Variants in IARS1 observed in about 807,000 individuals in gnomAD.
IARS1 encodes isoleucine--tRNA ligase, cytoplasmic.
Under a neutral mutation model 168.2 loss-of-function variants are expected in IARS1, and 124 were observed. That is an observed-to-expected ratio of 0.74 (90% CI 0.64 to 0.86). The LOEUF (loss-of-function observed/expected upper bound fraction) is 0.86, where lower values mean the gene tolerates loss of function less well. Ranked by LOEUF, IARS1 falls within the 40% of genes least tolerant of loss-of-function variation. IARS1 has a pLI of 0.00. For synonymous variants in IARS1, 532 were observed against 529.4 expected (o/e 1.00, Z -0.07); for missense variants, 1,452 against 1,515.8 (o/e 0.96, Z 0.70).
intron 33 of IARS1, among the ~76,000 whole-genome samples, chr9:92,214,450 T>C (rs1278465202): frequency 1.3e-5 from 2 of 152,130 alleles, no homozygotes; most frequent in Non-Finnish European, 2.9e-5. Context: ...AGCTCCGGTC[T>C]ACAACTCCCA....
chr9:92,256,748 T>A lies in IARS1; in HGVS notation c.2069A>T (p.Asn690Ile). ...GGACAGGATCCACCGGTCTGTAATGTTGGGGCTTTCTCTAACCGTGTTCTC... is the reference window on the plus strand; with the variant it reads ...GGACAGGATCCACCGGTCTGTAATGATGGGGCTTTCTCTAACCGTGTTCTC... ...YNENTVRESP[N>I]ITDRWILSFM... The change falls in exon 20 of 34, where the codon AAC (asparagine) becomes ATC (isoleucine). Residue 690 changes from asparagine (N) to isoleucine (I), a missense_variant. Asn to Ile is a moderately radical substitution (Grantham distance 149). Coordinates refer to ENST00000443024, the MANE Select transcript of IARS1 (RefSeq NM_002161.6). The A allele has an allele frequency of 1.2e-6, 2 of 1,613,908 alleles. No homozygotes were observed. Among genetic ancestry groups the A allele is most frequent in the Non-Finnish European group, 1.7e-6 (2 of 1,179,812 alleles).
At position 92,242,136 on chromosome 9, in the gene IARS1, G is replaced by T; in HGVS notation, c.3177+18C>A. On this transcript the variant is annotated intron_variant, in intron 29 of 33. Coordinates refer to ENST00000443024, the MANE Select transcript of IARS1 (RefSeq NM_002161.6). ...TCTGAAACCCTTTAGTAGTAGTTCA[G>T]TGGAACTCAGGACTCACCTGTGTTT... 6.3e-7 allele frequency: 1 copy of T among 1,597,936 alleles called. No homozygotes were observed. Among genetic ancestry groups the T allele is most frequent in the East Asian group, 2.2e-5 (1 of 44,822 alleles).
chr9:92,290,344 G>A (rs140659574), intron 1 of IARS1, among the ~76,000 whole-genome samples: 12 of 152,232 alleles, frequency 7.9e-5, no homozygotes, highest in Non-Finnish European at 1.2e-4. Flanking sequence ...GGCCATTTGC[G>A]TATCCACGTT....
chr9:92,277,988 A>C (rs1834002816), intron 8 of IARS1, 65 bp from the exon 9 acceptor site: 12 of 1,428,306 alleles, frequency 8.4e-6, no homozygotes, highest in Middle Eastern at 1.8e-4. Flanking sequence ...CAGCCACATC[A>C]AGCTACCACT....
At chr9:92,220,573 C>T (rs867866441) in intron 33 of IARS1, among the ~76,000 whole-genome samples, 5 of 151,948 alleles carry the variant, frequency 3.3e-5, no homozygotes, top group African/African-American at 1.2e-4. Flanking sequence ...GCTGGGATAT[C>T]GTGCCACTGC....
intron 19 of IARS1, among the ~76,000 whole-genome samples, chr9:92,257,985 T>C (rs940543362): frequency 1.3e-5 from 2 of 152,116 alleles, no homozygotes; most frequent in African/African-American, 2.4e-5. Context: ...AGAAAGTAAC[T>C]CCTGGGCGTG....
chr9:92,265,593 C>T (rs757134902), intron 14 of IARS1, 40 bp from the exon 15 acceptor site: 13 of 1,422,840 alleles, frequency 9.1e-6, no homozygotes, highest in Non-Finnish European at 1.3e-5. Context: ...CTCCTTAGAG[C>T]CAAACAGAGC....
intron 30 of IARS1, among the ~76,000 whole-genome samples, chr9:92,231,589 TTG>T (rs1270247068): frequency 4.2e-5 from 6 of 144,484 alleles, no homozygotes; most frequent in Non-Finnish European, 7.6e-5. Context: ...AATTTTGTAT[TTG>T]TTTTTTTTTT....
chr9:92,236,672 A>T (rs573913545), intron 30 of IARS1, among the ~76,000 whole-genome samples: 2 of 152,110 alleles, frequency 1.3e-5, no homozygotes, highest in Admixed American at 1.3e-4. Flanking sequence ...ACAGGGTGAA[A>T]CCCCGTCTCT....
intron 30 of IARS1, among the ~76,000 whole-genome samples, chr9:92,230,330 C>T: frequency 6.6e-6 from 1 of 152,082 alleles, no homozygotes; most frequent in East Asian, 1.9e-4. Flanking sequence ...CCAGGCTGGT[C>T]TCAAACTCCT....
intron 16 of IARS1, among the ~76,000 whole-genome samples, chr9:92,263,486 T>C (rs751682787): frequency 2.6e-5 from 4 of 152,264 alleles, no homozygotes; most frequent in Non-Finnish European, 5.9e-5. Flanking sequence ...AAAATGCTTT[T>C]ATTCTGTAAA....
chr9:92,242,685 C>T (rs1828611853), intron 28 of IARS1: 4 of 232,010 alleles, frequency 1.7e-5, no homozygotes, highest in Admixed American at 5.1e-5. Flanking sequence ...GACCTTGAAC[C>T]GTCTGGGAAG....
chr9:92,289,311 G>T lies in IARS1; in HGVS notation c.109C>A (p.His37Asn). 1.4e-6 allele frequency: 2 copies of T among 1,427,720 alleles called. No individual in the cohort carries two copies. Among genetic ancestry groups the T allele is most frequent in the Non-Finnish European group, 2.0e-6 (2 of 1,023,924 alleles). 88.4% of individuals were successfully genotyped at this position (1,427,720 alleles called of 1,614,324 possible). ...CFQECLKQSK[H>N]KPKFTFYDGP... ...AAAAAATTCACATACTTTGGTTTAT[G>T]TTTTGATTGCTTTAAGCATTCCTGA... Residue 37 changes from histidine (H) to asparagine (N), a missense_variant, in exon 2 of 34, where the codon CAT (histidine) becomes AAT (asparagine). His to Asn is a moderately conservative substitution (Grantham distance 68). Transcript: ENST00000443024.
At chr9:92,284,245 T>C (rs1181240551) in intron 6 of IARS1, among the ~76,000 whole-genome samples, 1 of 152,190 alleles carries the variant, frequency 6.6e-6, no homozygotes, top group Non-Finnish European at 1.5e-5. Context: ...AATGCTAACA[T>C]GGCAATGTTT....
At chr9:92,237,583 T>C (rs1466842969) in intron 30 of IARS1, among the ~76,000 whole-genome samples, 1 of 152,220 alleles carries the variant, frequency 6.6e-6, no homozygotes, top group African/African-American at 2.4e-5. Flanking sequence ...TGTAGATTTG[T>C]CTATTTCTCC....
rs1829908132 is a variant in IARS1 at position 92,250,789 on chromosome 9, T to G, written c.2353A>C (p.Lys785Gln). ...ACAGAAACAGGGTCAATCAGCACCTTTAGATTCTGGTACATCAATTCAGTG... is the reference window on the plus strand; with the variant it reads ...ACAGAAACAGGGTCAATCAGCACCTGTAGATTCTGGTACATCAATTCAGTG... Reference protein sequence around the residue: ...FLTELMYQNLKVLIDPVSVQD... With the variant: ...FLTELMYQNLQVLIDPVSVQD... Residue 785 changes from lysine (K) to glutamine (Q), a missense_variant, in exon 23 of 34, where the codon AAG (lysine) becomes CAG (glutamine). Transcript: ENST00000443024. 6.2e-7 allele frequency: 1 copy of G among 1,613,392 alleles called. No homozygotes were observed. The highest frequency in any genetic ancestry group is 1.1e-5 in the South Asian group (1 of 90,976).
chr9:92,228,325 C>A (rs1043471340), intron 31 of IARS1, among the ~76,000 whole-genome samples: 1 of 151,910 alleles, frequency 6.6e-6, no homozygotes, highest in Non-Finnish European at 1.5e-5. Context: ...TACGTAACAG[C>A]GGGAGAATGC....
At chr9:92,278,936 G>A (rs1834134100) in intron 7 of IARS1, among the ~76,000 whole-genome samples, 1 of 152,164 alleles carries the variant, frequency 6.6e-6, no homozygotes, top group Admixed American at 6.5e-5. Flanking sequence ...CTGGCATGAT[G>A]AATGTCCTTG....
At chr9:92,289,055 A>T (rs1197666551) in intron 2 of IARS1, among the ~76,000 whole-genome samples, 1 of 151,978 alleles carries the variant, frequency 6.6e-6, no homozygotes, top group Non-Finnish European at 1.5e-5. Context: ...CTAAAACACA[A>T]GAATTAGCTG....
Sources: gnomAD v4.1 joint callset for allele counts (sites outside exome capture counted in the v4.1 genomes callset) on GRCh38, gnomAD v4.1.1 for gene constraint, MANE v1.5 for transcripts, NCBI Gene and HGNC (gene_info 2026-07-23, HGNC 2026-07-21) for gene names.